The following GNG12 variants were observed in gnomAD, a reference collection of about 807,000 sequenced individuals.
The protein encoded by GNG12 is G protein subunit gamma 12.
For missense variants in GNG12, 69 were observed against 83.8 expected, an observed-to-expected ratio of 0.82 and a Z score of 0.69; for synonymous variants, 28 against 29.7, an observed-to-expected ratio of 0.94 and a Z score of 0.19.
At chr1:67,793,209 T>C (rs968628970) in intron 1 of GNG12, among the ~76,000 whole-genome samples, 1 of 152,232 alleles carries the variant, frequency 6.6e-6, no homozygotes, top group Non-Finnish European at 1.5e-5. Context: ...TTCTTAATCC[T>C]GACTCATTTG....
chr1:67,792,698 G>A (rs537847892), intron 1 of GNG12, among the ~76,000 whole-genome samples: 6 of 152,180 alleles, frequency 3.9e-5, no homozygotes, highest in Admixed American at 3.9e-4. Context: ...GGCTGGCTCA[G>A]ATTTCAATGC....
chr1:67,740,425 G>C (rs1570503360), intron 2 of GNG12, among the ~76,000 whole-genome samples: 1 of 152,202 alleles, frequency 6.6e-6, no homozygotes. Flanking sequence ...ATGCTCACTT[G>C]TTTATGTATT....
At chr1:67,768,704 A>C (rs546577084) in intron 2 of GNG12, among the ~76,000 whole-genome samples, 1 of 152,338 alleles carries the variant, frequency 6.6e-6, no homozygotes, top group South Asian at 2.1e-4. Context: ...AGAAAGGTTA[A>C]CCGTAACCAT....
At position 67,736,515 on chromosome 1, in the gene GNG12, G is replaced by T. The variant is rs3766267; in HGVS notation, c.-26-28803C>A. Reference sequence around the variant, plus strand: ...TAAATGAACCCTGTGCTGGGGCCACGGCCCAGCTGCACTGTGTGGCAGGGA... The same window carrying T: ...TAAATGAACCCTGTGCTGGGGCCACTGCCCAGCTGCACTGTGTGGCAGGGA... On this transcript the variant is annotated intron_variant, in intron 2 of 3. Coordinates refer to ENST00000370982, the MANE Select transcript of GNG12 (RefSeq NM_018841.6). 7.8e-3 allele frequency among the ~76,000 whole-genome samples: 1,185 copies of T among 152,286 alleles called. 6 individuals carry two copies. The highest frequency in any genetic ancestry group is 0.034 in the Middle Eastern group (10 of 294).
chr1:67,789,374 C>A (rs1200619353), intron 1 of GNG12, among the ~76,000 whole-genome samples: 3 of 152,114 alleles, frequency 2.0e-5, no homozygotes, highest in Non-Finnish European at 4.4e-5. Flanking sequence ...TTTCTAACAT[C>A]TAATTGTATT....
At chr1:67,780,308 T>C (rs189725195) in intron 1 of GNG12, among the ~76,000 whole-genome samples, 98 of 152,306 alleles carry the variant, frequency 6.4e-4, no homozygotes, top group Non-Finnish European at 1.1e-3. Context: ...CAGAGTCAAA[T>C]TGTAAACCCA....
chr1:67,753,169 A>C (rs985986619), intron 2 of GNG12, among the ~76,000 whole-genome samples: 6 of 152,232 alleles, frequency 3.9e-5, no homozygotes, highest in African/African-American at 1.4e-4. Context: ...TTATGTTGAA[A>C]GAATTTTTTT....
intron 2 of GNG12, among the ~76,000 whole-genome samples, chr1:67,735,388 T>C (rs1646447226): frequency 6.6e-6 from 1 of 152,212 alleles, no homozygotes; most frequent in African/African-American, 2.4e-5. Context: ...AGATCATTGT[T>C]CTGCTGATCA....
intron 2 of GNG12, among the ~76,000 whole-genome samples, chr1:67,708,735 C>CAGGCCTGGT (rs1218043857): frequency 6.6e-6 from 1 of 152,176 alleles, no homozygotes; most frequent in Non-Finnish European, 1.5e-5. Flanking sequence ...GCAGGGCTGG[C>CAGGCCTGGT]AGGCCTGGTA....
intron 2 of GNG12, among the ~76,000 whole-genome samples, chr1:67,767,678 G>A (rs1479928618): frequency 6.6e-6 from 1 of 152,152 alleles, no homozygotes; most frequent in Non-Finnish European, 1.5e-5. Flanking sequence ...TTCAGTCCTT[G>A]TAAAAATAAT....
intron 1 of GNG12, among the ~76,000 whole-genome samples, chr1:67,825,424 C>T (rs530293451): frequency 2.0e-5 from 3 of 152,188 alleles, no homozygotes; most frequent in Admixed American, 2.0e-4. Flanking sequence ...GTTAGATTCA[C>T]TAAACATGGC....
At chr1:67,795,953 T>G (rs1055162825) in intron 1 of GNG12, among the ~76,000 whole-genome samples, 9 of 152,228 alleles carry the variant, frequency 5.9e-5, no homozygotes, top group Non-Finnish European at 7.3e-5. Flanking sequence ...ACAAGAATAC[T>G]TTCTCCTACG....
At chr1:67,797,139 T>A (rs1646835942) in intron 1 of GNG12, among the ~76,000 whole-genome samples, 1 of 152,074 alleles carries the variant, frequency 6.6e-6, no homozygotes, top group African/African-American at 2.4e-5. Flanking sequence ...GGGACAAACA[T>A]CCAAACTAAA....
In GNG12 at chr1:67,708,585, A is replaced by C. The variant is rs187489726; in HGVS notation, c.-26-873T>G. Among the ~76,000 whole-genome samples the C allele has an allele frequency of 1.5e-3, 221 of 152,282 alleles. 1 individual carries two copies. The highest frequency in any genetic ancestry group is 3.7e-4 in the Non-Finnish European group (25 of 68,032). The stretch of plus-strand genomic sequence containing the variant: ...CCTGGTGTAAAGCAATGGAAACAGA[A>C]ACATCCTGGCCCTTGCTTTACAAAC... On this transcript the variant is annotated intron_variant, in intron 2 of 3. Coordinates refer to ENST00000370982, the MANE Select transcript of GNG12 (RefSeq NM_018841.6).
intron 2 of GNG12, among the ~76,000 whole-genome samples, chr1:67,772,368 G>C (rs1476339918): frequency 6.6e-6 from 1 of 152,118 alleles, no homozygotes; most frequent in African/African-American, 2.4e-5. Context: ...TGGTAGTCTG[G>C]ATCATGACAC....
chr1:67,749,658 A>G (rs1394582710), intron 2 of GNG12, among the ~76,000 whole-genome samples: 1 of 152,186 alleles, frequency 6.6e-6, no homozygotes, highest in Non-Finnish European at 1.5e-5. Flanking sequence ...GGAGCCTCCA[A>G]TCAGGACAGA....
Position 67,705,444 on chromosome 1 carries a change from T to C in GNG12, c.*7A>G. The C allele has an allele frequency of 1.2e-6, 2 of 1,613,436 alleles. No individual in the cohort carries two copies. The highest frequency in any genetic ancestry group is 2.2e-5 in the East Asian group (1 of 44,876). On this transcript the variant is annotated 3_prime_UTR_variant, in exon 4 of 4. Coordinates refer to ENST00000370982, the MANE Select transcript of GNG12 (RefSeq NM_018841.6). ...GGGAAGAGGCGAGGAGCTGTTTCTC[T>C]ATTCCACTATAAGATGATGCAAGTT...
intron 1 of GNG12, among the ~76,000 whole-genome samples, chr1:67,809,886 A>G (rs1646913759): frequency 6.6e-6 from 1 of 152,224 alleles, no homozygotes; most frequent in African/African-American, 2.4e-5. Flanking sequence ...AATTAGACAT[A>G]GTTTTAACCA....
chr1:67,761,179 T>A (rs1312756975), intron 2 of GNG12, among the ~76,000 whole-genome samples: 1 of 152,220 alleles, frequency 6.6e-6, no homozygotes, highest in African/African-American at 2.4e-5. Context: ...TAGTGTTCCC[T>A]CTCTATACAC....
Sources: gnomAD v4.1 joint callset for allele counts (sites outside exome capture counted in the v4.1 genomes callset) on GRCh38, gnomAD v4.1.1 for gene constraint, MANE v1.5 for transcripts, NCBI Gene and HGNC (gene_info 2026-07-23, HGNC 2026-07-21) for gene names.